Variants in ZNF713 observed in about 807,000 individuals in gnomAD.
The protein encoded by ZNF713 is zinc finger protein 713.
A neutral mutation model predicts 28.7 loss-of-function variants in ZNF713; 21 were observed. That is an observed-to-expected ratio of 0.73 (90% CI 0.52 to 1.05). The LOEUF is 1.05. Among genes scored for constraint, ZNF713 ranks in the 50% least tolerant of loss-of-function variants. The pLI, the probability that ZNF713 is intolerant of heterozygous loss-of-function variation, is 0.00. For synonymous variants in ZNF713, 167 were observed against 178.0 expected (o/e 0.94, Z 0.49); for missense variants, 458 against 532.4 (o/e 0.86, Z 1.37).
chr7:55,924,955 T>A (rs1324790669), intron 6 of ZNF713: 1 of 152,034 alleles, frequency 6.6e-6, no homozygotes, highest in African/African-American at 2.4e-5. Context: ...AAAACCTGGA[T>A]CTGTTGGCTT....
At chr7:55,892,422 C>T (rs1348176635) in intron 1 of ZNF713, among the ~76,000 whole-genome samples, 1 of 151,590 alleles carries the variant, frequency 6.6e-6, no homozygotes, top group African/African-American at 2.4e-5. Flanking sequence ...CCCTTTTCTC[C>T]CTATCATAAG....
At chr7:55,930,894 G>T (rs939584029) in intron 6 of ZNF713, among the ~76,000 whole-genome samples, 2 of 152,124 alleles carry the variant, frequency 1.3e-5, no homozygotes, top group Non-Finnish European at 2.9e-5. Context: ...AAAAAAACTT[G>T]TCAACCTTGC....
At chr7:55,899,887 A>G (rs1005848751) in intron 1 of ZNF713, among the ~76,000 whole-genome samples, 1 of 151,708 alleles carries the variant, frequency 6.6e-6, no homozygotes, top group Non-Finnish European at 1.5e-5. Flanking sequence ...AATTGCAGAC[A>G]TGCCCCACAC....
intron 6 of ZNF713, among the ~76,000 whole-genome samples, chr7:55,927,489 C>G (rs1328015103): frequency 6.6e-6 from 1 of 152,038 alleles, no homozygotes; most frequent in Non-Finnish European, 1.5e-5. Flanking sequence ...CACCACTGCA[C>G]TCCAGCCTGG....
At chr7:55,926,560 C>T (rs1786099760) in intron 6 of ZNF713, among the ~76,000 whole-genome samples, 1 of 152,150 alleles carries the variant, frequency 6.6e-6, no homozygotes, top group Admixed American at 6.6e-5. Flanking sequence ...AATGATAGAG[C>T]TTATGCAGTC....
intron 6 of ZNF713, among the ~76,000 whole-genome samples, chr7:55,932,965 C>T (rs1323463976): frequency 2.0e-5 from 3 of 149,796 alleles, no homozygotes; most frequent in Admixed American, 6.7e-5. Context: ...TGACTGGGTG[C>T]GGTGGCTCAC....
chr7:55,901,582 A>G (rs755692792), intron 1 of ZNF713, among the ~76,000 whole-genome samples: 2 of 152,154 alleles, frequency 1.3e-5, no homozygotes, highest in Non-Finnish European at 2.9e-5. Context: ...GTATAATGCA[A>G]CCTCCATAGA....
In ZNF713 at chr7:55,895,537, C is replaced by T. The variant is rs891661216; in HGVS notation, c.-583+7857C>T. Among the ~76,000 whole-genome samples the T allele has an allele frequency of 6.0e-5, 8 of 133,584 alleles. No homozygotes were observed. The Admixed American group carries it at 6.3e-4, about 11-fold the overall frequency. The allele number at this position is 133,584 out of a possible 152,430, so 87.6% of individuals were successfully genotyped here. On this transcript the variant is annotated intron_variant, in intron 1 of 6. Coordinates refer to ENST00000429591, the MANE Select transcript of ZNF713 (RefSeq NM_182633.3). Reference sequence around the variant, plus strand: ...AGGCTGGAGTGCAATGGCATGATCTCGGCTCACTGTAACCTCCATCTCCTG... The same window carrying T: ...AGGCTGGAGTGCAATGGCATGATCTTGGCTCACTGTAACCTCCATCTCCTG...
chr7:55,928,953 G>T (rs977972957), intron 6 of ZNF713, among the ~76,000 whole-genome samples: 1 of 140,254 alleles, frequency 7.1e-6, no homozygotes, highest in East Asian at 2.1e-4. Flanking sequence ...GCAACAGGTT[G>T]AGAGCCCATT....
intron 1 of ZNF713, among the ~76,000 whole-genome samples, chr7:55,891,025 G>A (rs958662299): frequency 6.6e-6 from 1 of 151,622 alleles, no homozygotes; most frequent in African/African-American, 2.4e-5. Flanking sequence ...AAAAATTAAG[G>A]AGTGTGCCTA....
intron 4 of ZNF713, among the ~76,000 whole-genome samples, chr7:55,919,504 T>TTTTTGTTTTTTTTTTG (rs1562743541): frequency 2.1e-3 from 125 of 58,472 alleles, no homozygotes; most frequent in Non-Finnish European, 2.4e-3. Flanking sequence ...TTTTTTTTTT[T>TTTTTGTTTTTTTTTTG]TTTTTTTTTT....
At chr7:55,937,302 G>C (rs1460841422) in intron 6 of ZNF713, among the ~76,000 whole-genome samples, 1 of 151,374 alleles carries the variant, frequency 6.6e-6, no homozygotes, top group Non-Finnish European at 1.5e-5. Context: ...TCTGTCTCCA[G>C]ATAAAATTAA....
chr7:55,932,978 CTACAATCCCAGCACTT>C (rs1164667537), intron 6 of ZNF713, among the ~76,000 whole-genome samples: 2 of 151,324 alleles, frequency 1.3e-5, no homozygotes, highest in Non-Finnish European at 2.9e-5. Flanking sequence ...TGGCTCACAC[CTACAATCCCAGCACTT>C]TGGGAGGTTG....
chr7:55,939,655 A>C lies in ZNF713; in HGVS notation c.981A>C (p.Ser327=), dbSNP rs146661451. Residue 327 remains serine (S), a synonymous_variant, in exon 7 of 7, where the codon TCA becomes TCC. Coordinates refer to ENST00000429591, the MANE Select transcript of ZNF713 (RefSeq NM_182633.3). ...NGCGKAFRQH[S]SFTQHLRIHT... is the part of the protein sequence containing the mutation. ...GTGGGAAAGCCTTCCGTCAGCATTC[A>C]TCCTTTACTCAACATCTGAGGATTC... is the stretch of plus-strand genomic sequence containing the variant. 510 of 1,614,106 alleles carry C rather than the reference A, an allele frequency of 3.2e-4. 1 individual carries two copies. The highest frequency in any genetic ancestry group is 4.8e-4 in the South Asian group (44 of 91,094).
rs769601757 is a variant in ZNF713, at chr7:55,903,727, C to T, written c.-582-2526C>T. ...GGAAGATGTAAATGAGCAACCTCAC[C>T]TGGTCTGTGATGTCAAAATCTTCCC... On this transcript the variant is annotated intron_variant, in intron 1 of 6. Transcript: ENST00000429591. Among the ~76,000 whole-genome samples the T allele has an allele frequency of 1.2e-4, 18 of 151,254 alleles. 1 individual carries two copies. The highest frequency in any genetic ancestry group is 9.2e-4 in the Admixed American group (14 of 15,176).
At chr7:55,891,012 A>C (rs1226863356) in intron 1 of ZNF713, among the ~76,000 whole-genome samples, 1 of 149,272 alleles carries the variant, frequency 6.7e-6, no homozygotes, top group Non-Finnish European at 1.5e-5. Context: ...AAAAAAAAGA[A>C]AAAAAAATTA....
In ZNF713 at chr7:55,938,967, C is replaced by T; in HGVS notation, c.308-15C>T. On this transcript the variant is annotated splice_polypyrimidine_tract_variant and intron_variant, in intron 6 of 6. Coordinates refer to ENST00000429591, the MANE Select transcript of ZNF713 (RefSeq NM_182633.3). Reference sequence around the variant, plus strand: ...GAATATTGGAAAGTATTTGTATGTTCTGAATTTCTTTTAGATGGAGAAAAC... The same window carrying T: ...GAATATTGGAAAGTATTTGTATGTTTTGAATTTCTTTTAGATGGAGAAAAC... 2 of 1,555,192 alleles carry T rather than the reference C, an allele frequency of 1.3e-6. No individual in the cohort carries two copies. Among genetic ancestry groups the T allele is most frequent in the South Asian group, 1.2e-5 (1 of 82,748 alleles).
intron 1 of ZNF713, among the ~76,000 whole-genome samples, chr7:55,904,463 T>TAAAAA (rs71015118): frequency 5.1e-4 from 21 of 41,248 alleles, no homozygotes; most frequent in African/African-American, 1.4e-3. Context: ...ACTGTATCTT[T>TAAAAA]AAAAAAAAAA....
intron 4 of ZNF713, chr7:55,918,024 A>G (rs1279338131): frequency 2.2e-6 from 1 of 456,310 alleles, no homozygotes; most frequent in South Asian, 1.6e-5. Flanking sequence ...AGTGACTTTG[A>G]CACTCATCCC....
Sources: allele counts gnomAD v4.1 joint callset (sites outside exome capture counted in the v4.1 genomes callset), GRCh38; gene constraint gnomAD v4.1.1; transcripts MANE v1.5; gene names NCBI Gene and HGNC (gene_info 2026-07-23, HGNC 2026-07-21).